The following NRG1 variants were observed in gnomAD, a reference collection of about 807,000 sequenced individuals.
NRG1 encodes the protein neuregulin 1, also known as pro-neuregulin-1, membrane-bound isoform.
NRG1 carries 18 observed loss-of-function variants against 63.8 expected under a neutral mutation model. The observed-to-expected ratio is 0.28, with a 90% confidence interval of 0.19 to 0.42. The LOEUF (loss-of-function observed/expected upper bound fraction) is 0.42, where lower values mean the gene tolerates loss of function less well. NRG1 is among the 10% of genes least tolerant of loss of function. The pLI is 1.00. For missense variants in NRG1, 762 were observed against 814.7 expected (o/e 0.94, Z 0.79); for synonymous variants, 302 against 301.3 (o/e 1.00, Z -0.02).
At chr8:31,742,454 AATTTTT>A (rs1320122960) in intron 1 of NRG1, among the ~76,000 whole-genome samples, 7 of 43,252 alleles carry the variant, frequency 1.6e-4, no homozygotes, top group African/African-American at 5.7e-4. Flanking sequence ...CTTTTTTAAG[AATTTTT>A]TTTTTTTTTT....
chr8:31,899,168 A>G (rs576829255), intron 1 of NRG1, among the ~76,000 whole-genome samples: 23 of 151,820 alleles, frequency 1.5e-4, no homozygotes, highest in African/African-American at 5.6e-4. Flanking sequence ...CAGTGATGTG[A>G]ACATAGCTCA....
intron 1 of NRG1, among the ~76,000 whole-genome samples, chr8:31,781,968 C>A (rs1819730028): frequency 6.6e-6 from 1 of 152,104 alleles, no homozygotes; most frequent in Non-Finnish European, 1.5e-5. Context: ...CTTCTCCCCT[C>A]CACTGAACCC....
chr8:32,760,310 G>A (rs1453959537), exon 11 of NRG1: 7 of 1,614,068 alleles, frequency 4.3e-6, no homozygotes, highest in East Asian at 2.2e-5. Context: ...CCAAGAGGAC[G>A]TCTTAATGGC....
intron 1 of NRG1, among the ~76,000 whole-genome samples, chr8:32,006,578 T>G (rs1813810743): frequency 6.6e-6 from 1 of 152,000 alleles, no homozygotes; most frequent in African/African-American, 2.4e-5. Flanking sequence ...GTCAGAGGAA[T>G]TCAAAGTGTA....
At chr8:32,448,633 G>T (rs953090260) in intron 1 of NRG1, among the ~76,000 whole-genome samples, 10 of 152,090 alleles carry the variant, frequency 6.6e-5, no homozygotes, top group Non-Finnish European at 1.2e-4. Flanking sequence ...GGATTGAGAT[G>T]AAAACCAAGC....
intron 1 of NRG1, among the ~76,000 whole-genome samples, chr8:31,863,162 C>T (rs964520388): frequency 1.3e-5 from 2 of 152,166 alleles, no homozygotes; most frequent in Admixed American, 1.3e-4. Flanking sequence ...GTACATAAAA[C>T]AAGAGCAGTG....
chr8:32,624,264 G>A (rs918922369), intron 5 of NRG1, among the ~76,000 whole-genome samples: 3 of 152,158 alleles, frequency 2.0e-5, no homozygotes, highest in Non-Finnish European at 4.4e-5. Context: ...ACTGCATCCA[G>A]GGAGATTAAT....
chr8:31,697,698 A>T (rs572645364), intron 1 of NRG1, among the ~76,000 whole-genome samples: 98 of 152,264 alleles, frequency 6.4e-4, no homozygotes, highest in African/African-American at 2.3e-3. Context: ...ATCCCAAGGA[A>T]ATGATACAAC....
intron 1 of NRG1, among the ~76,000 whole-genome samples, chr8:32,149,284 C>T (rs1043386061): frequency 1.3e-5 from 2 of 152,206 alleles, no homozygotes; most frequent in African/African-American, 4.8e-5. Flanking sequence ...ATGCTAAATG[C>T]AGACAATTTT....
intron 1 of NRG1, among the ~76,000 whole-genome samples, chr8:31,751,880 A>G (rs1294742448): frequency 6.6e-6 from 1 of 151,972 alleles, no homozygotes; most frequent in East Asian, 1.9e-4. Context: ...TTATGGAGAT[A>G]CGGAATGCTC....
intron 1 of NRG1, among the ~76,000 whole-genome samples, chr8:32,389,690 T>G (rs572303216): frequency 6.6e-6 from 1 of 152,212 alleles, no homozygotes; most frequent in Admixed American, 6.5e-5. Flanking sequence ...GCAATCAGAG[T>G]GATATTGCTT....
At chr8:32,268,473 T>C (rs1214318296) in intron 1 of NRG1, among the ~76,000 whole-genome samples, 4 of 152,198 alleles carry the variant, frequency 2.6e-5, no homozygotes. Flanking sequence ...TGCTGATTTG[T>C]TTTACTCTTA....
chr8:32,707,499 C>A (rs182629905), intron 5 of NRG1, among the ~76,000 whole-genome samples: 1 of 152,152 alleles, frequency 6.6e-6, no homozygotes, highest in Admixed American at 6.5e-5. Context: ...ATGAAATAAA[C>A]TGTTACCTTT....
intron 1 of NRG1, among the ~76,000 whole-genome samples, chr8:32,261,575 A>C (rs1032123498): frequency 3.9e-5 from 6 of 152,058 alleles, no homozygotes; most frequent in African/African-American, 1.4e-4. Flanking sequence ...ACTTCACCTG[A>C]AGAATGTTTG....
At chr8:32,722,753 G>A (rs1219494843) in intron 5 of NRG1, among the ~76,000 whole-genome samples, 1 of 152,140 alleles carries the variant, frequency 6.6e-6, no homozygotes, top group South Asian at 2.1e-4. Flanking sequence ...AAAGAATTAT[G>A]TAGATCTTGA....
At chr8:31,694,649 G>A (rs1254565894) in intron 1 of NRG1, among the ~76,000 whole-genome samples, 12 of 152,148 alleles carry the variant, frequency 7.9e-5, no homozygotes, top group Admixed American at 5.9e-4. Flanking sequence ...GACTGGGAAC[G>A]TGTGAAAATA....
chr8:32,659,152 T>C (rs1802234788), intron 5 of NRG1, among the ~76,000 whole-genome samples: 4 of 150,602 alleles, frequency 2.7e-5, no homozygotes, highest in Non-Finnish European at 4.4e-5. Flanking sequence ...TTTTCTTTTT[T>C]TTTTTTTTTT....
chr8:31,885,290 G>T (rs933172303), intron 1 of NRG1, among the ~76,000 whole-genome samples: 1 of 152,008 alleles, frequency 6.6e-6, no homozygotes, highest in Non-Finnish European at 1.5e-5. Flanking sequence ...CACAGTAAAT[G>T]AATAGTTACT....
intron 6 of NRG1, among the ~76,000 whole-genome samples, chr8:32,736,180 G>A (rs1326507976): frequency 6.6e-6 from 1 of 152,110 alleles, no homozygotes; most frequent in African/African-American, 2.4e-5. Flanking sequence ...TAGAAAGAAC[G>A]CTAAAACACA....
Sources: allele counts gnomAD v4.1 joint callset (sites outside exome capture counted in the v4.1 genomes callset), GRCh38; gene constraint gnomAD v4.1.1; transcripts MANE v1.5; gene names NCBI Gene and HGNC (gene_info 2026-07-23, HGNC 2026-07-21).